CDKN2A: variants seen among roughly 807,000 people sequenced by gnomAD.
CDKN2A encodes cyclin dependent kinase inhibitor 2A.
CDKN2A carries 3 observed loss-of-function variants against 11.1 expected under a neutral mutation model. That is an observed-to-expected ratio of 0.27 (90% CI 0.12 to 0.70). The LOEUF is 0.70. CDKN2A is among the 30% of genes least tolerant of loss of function. The pLI, the probability that CDKN2A is intolerant of heterozygous loss-of-function variation, is 0.77. For synonymous variants in CDKN2A, 122 were observed against 108.1 expected, an observed-to-expected ratio of 1.13 and a Z score of -0.80; for missense variants, 265 against 233.6, an observed-to-expected ratio of 1.13 and a Z score of -0.88.
At chr9:21,971,239 G>A (rs758684907) in intron 1 of CDKN2A, 31 bp from the exon 2 acceptor site, 1 of 1,589,012 alleles carries the variant, frequency 6.3e-7, no homozygotes, top group Non-Finnish European at 8.5e-7. Context: ...GTCAGAGCCA[G>A]GGTGGGGGCC....
chr9:21,973,894 CTCTT>C (rs950912631), intron 1 of CDKN2A, among the ~76,000 whole-genome samples: 4 of 152,052 alleles, frequency 2.6e-5, no homozygotes, highest in Non-Finnish European at 2.9e-5. Flanking sequence ...CTCTCTTTCT[CTCTT>C]TCTTTCTTTC....
Position 21,968,394 on chromosome 9 carries a change from C to T in CDKN2A, c.458-152G>A. The stretch of plus-strand genomic sequence containing the variant: ...TTCACGTGCATGTACCCGCCGCCAC[C>T]GCTCTCCCACACCTCCCTGGTCCAG... On this transcript the variant is annotated intron_variant, in intron 2 of 2. Coordinates refer to ENST00000304494, the MANE Select transcript of CDKN2A (RefSeq NM_000077.5). The surrounding 1 kb of genome is among the most constrained non-coding windows in gnomAD (Gnocchi z 4.7). 6.6e-7 allele frequency: 1 copy of T among 1,519,782 alleles called. No homozygotes were observed. Among genetic ancestry groups the T allele is most frequent in the African/African-American group, 1.4e-5 (1 of 72,722 alleles). The allele number at this position is 1,519,782 out of a possible 1,614,324, so 94.1% of individuals were successfully genotyped here. A position where few individuals can be genotyped will look rare whatever the true frequency, so the allele number is the denominator to read the frequency against.
chr9:21,993,910 G>A (rs1209263716), exon 2 of CDKN2A: 1 of 597,880 alleles, frequency 1.7e-6, no homozygotes, highest in Admixed American at 2.8e-5. Flanking sequence ...TAGAAGCTCT[G>A]TTCGCCTCAG....
At chr9:21,989,616 C>G (rs1411368361) in intron 2 of CDKN2A, 1 of 152,164 alleles carries the variant, frequency 6.6e-6, no homozygotes, top group African/African-American at 2.4e-5. Flanking sequence ...GTGGTTCCTC[C>G]GGGTAACCCT....
chr9:21,994,609 T>G (rs1820555536), intron 1 of CDKN2A: 1 of 572,716 alleles, frequency 1.7e-6, no homozygotes, highest in Non-Finnish European at 2.6e-6. Flanking sequence ...GAGGCGCCCG[T>G]AGGGAGGCGC....
intron 2 of CDKN2A, among the ~76,000 whole-genome samples, chr9:21,969,254 G>A (rs148450518): frequency 3.9e-4 from 59 of 152,230 alleles, no homozygotes; most frequent in African/African-American, 1.3e-3. Flanking sequence ...CAGGCGTCGT[G>A]GCGTGCACCT....
chr9:21,968,677 A>G lies in CDKN2A; in HGVS notation c.458-435T>C. On this transcript the variant is annotated intron_variant, in intron 2 of 2. Transcript: ENST00000304494. This position sits in a 1 kb window ranked among gnomAD's most constrained non-coding sequence, Gnocchi z 4.7. ...TGAGCCAGCCAGCTTGCGATAACCA[A>G]AGGGCGCCTCAGGCTCTGGCGCTCC... 2.0e-6 allele frequency: 3 copies of G among 1,535,954 alleles called. No individual in the cohort carries two copies. Among genetic ancestry groups the G allele is most frequent in the Non-Finnish European group, 2.6e-6 (3 of 1,146,776 alleles).
chr9:21,972,265 C>T (rs919060414), intron 1 of CDKN2A, among the ~76,000 whole-genome samples: 1 of 152,120 alleles, frequency 6.6e-6, no homozygotes, highest in Non-Finnish European at 1.5e-5. Context: ...ATGTCTATGT[C>T]CTAATCCTCA....
At chr9:21,994,375 C>A in intron 1 of CDKN2A, 1 of 1,607,836 alleles carries the variant, frequency 6.2e-7, no homozygotes. Flanking sequence ...CGCTGCGCCG[C>A]CCTTTGGCAC....
intron 1 of CDKN2A, chr9:21,994,766 C>G (rs1185411968): frequency 5.9e-5 from 11 of 186,288 alleles, no homozygotes; most frequent in South Asian, 1.6e-4. Flanking sequence ...ACGCCTGGAA[C>G]GCAACTCCAG....
chr9:21,980,015 T>C (rs911577907), intron 2 of CDKN2A, among the ~76,000 whole-genome samples: 2 of 152,144 alleles, frequency 1.3e-5, no homozygotes, highest in African/African-American at 4.8e-5. Flanking sequence ...TGCGGCATTG[T>C]AGGATTGGCA....
At chr9:21,972,679 A>G (rs1319426397) in intron 1 of CDKN2A, among the ~76,000 whole-genome samples, 1 of 152,242 alleles carries the variant, frequency 6.6e-6, no homozygotes, top group East Asian at 1.9e-4. Context: ...TCCCAGGTTT[A>G]TGATTTGAGA....
In CDKN2A at chr9:21,971,575, A is replaced by AT. The variant is rs59981968; in HGVS notation, c.151-368dup. Among the ~76,000 whole-genome samples the AT allele has an allele frequency of 2.6e-3, 289 of 111,388 alleles. 13 individuals carry two copies. The highest frequency in any genetic ancestry group is 0.012 in the South Asian group (40 of 3,442). The allele number at this position is 111,388 out of a possible 152,430, so 73.1% of individuals were successfully genotyped here. ...TCCTGAAATTATGTTAGGCCTGGAG[A>AT]TTTTTTTTTTTTTTTTTGTTCACTG... On this transcript the variant is annotated intron_variant, in intron 1 of 2. Coordinates refer to ENST00000304494, the MANE Select transcript of CDKN2A (RefSeq NM_000077.5).
chr9:21,974,524 G>T lies in CDKN2A; in HGVS notation c.150+154C>A, dbSNP rs1819931949. ...CAAGCCCCCAGGGCGTCGCCAGGAGGAGGTCTGTGATTACAAACCCCTTCT... is the reference window on the plus strand; with the variant it reads ...CAAGCCCCCAGGGCGTCGCCAGGAGTAGGTCTGTGATTACAAACCCCTTCT... On this transcript the variant is annotated intron_variant, in intron 1 of 2. Coordinates refer to ENST00000304494, the MANE Select transcript of CDKN2A (RefSeq NM_000077.5). This position sits in a 1 kb window ranked among gnomAD's most constrained non-coding sequence, Gnocchi z 5.2. 2.5e-6 allele frequency: 4 copies of T among 1,613,272 alleles called. No individual in the cohort carries two copies. The highest frequency in any genetic ancestry group is 3.4e-6 in the Non-Finnish European group (4 of 1,179,950).
chr9:21,975,133 G>T (rs1045145921), upstream of CDKN2A: 3 of 1,223,064 alleles, frequency 2.5e-6, no homozygotes, highest in Admixed American at 1.3e-4. Flanking sequence ...AGCAGCCCTC[G>T]CCAGAGCCAG....
In CDKN2A at chr9:21,971,058, C is replaced by A. The variant is rs104894094; in HGVS notation, c.301G>T (p.Gly101Trp). The stretch of plus-strand genomic sequence containing the variant: ...GCATCGCGCACGTCCAGCCGCGCCC[C>A]GGCCCGGTGCAGCACCACCAGCGTG... Reference protein sequence around the residue: ...LDTLVVLHRAGARLDVRDAWG... With the variant: ...LDTLVVLHRAWARLDVRDAWG... The change falls in exon 2 of 3, where the codon GGG becomes TGG. Residue 101 changes from glycine to tryptophan, a missense_variant. By Grantham distance (184) the Gly-to-Trp change is radical. Transcript: ENST00000304494. The A allele has an allele frequency of 7.5e-6, 12 of 1,605,210 alleles. No homozygotes were observed. The highest frequency in any genetic ancestry group is 1.0e-5 in the Non-Finnish European group (12 of 1,179,350).
rs2131082315 is a variant in CDKN2A at position 21,968,759 on chromosome 9, T to A, written c.458-517A>T. 1 of 1,536,116 alleles carries A rather than the reference T, an allele frequency of 6.5e-7. No individual in the cohort carries two copies. Among genetic ancestry groups the A allele is most frequent in the Non-Finnish European group, 8.7e-7 (1 of 1,146,906 alleles). ...CCTGCTTCTACAAACCCACAAATGG[T>A]TTCCGATCATTTCTGAAACAAAATG... On this transcript the variant is annotated intron_variant, in intron 2 of 2. Coordinates refer to ENST00000304494, the MANE Select transcript of CDKN2A (RefSeq NM_000077.5). This position sits in a 1 kb window ranked among gnomAD's most constrained non-coding sequence, Gnocchi z 4.7.
chr9:21,975,831 C>A (rs533750119), upstream of CDKN2A, among the ~76,000 whole-genome samples: 8 of 152,322 alleles, frequency 5.3e-5, no homozygotes, highest in South Asian at 1.7e-3. Flanking sequence ...AGACCAGCTT[C>A]AAATACTGTC....
At chr9:21,992,490 A>G in intron 2 of CDKN2A, 1 of 829,014 alleles carries the variant, frequency 1.2e-6, no homozygotes, top group Non-Finnish European at 1.5e-6. Flanking sequence ...CCTAAATAAC[A>G]AAAAATGATC....
Sources: gnomAD v4.1 joint callset for allele counts (sites outside exome capture counted in the v4.1 genomes callset) on GRCh38, gnomAD v4.1.1 for gene constraint, Gnocchi (gnomAD v3.1) non-coding constraint, MANE v1.5 for transcripts, NCBI Gene and HGNC (gene_info 2026-07-23, HGNC 2026-07-21) for gene names.